The following SKAP1 variants were observed in gnomAD, a reference collection of about 807,000 sequenced individuals.
SKAP1 encodes src kinase-associated phosphoprotein 1.
Under a neutral mutation model 58.5 loss-of-function variants are expected in SKAP1, and 44 were observed. The observed-to-expected ratio is 0.75, with a 90% CI of 0.59 to 0.97. SKAP1 has a LOEUF of 0.97. SKAP1 is among the 50% of genes least tolerant of loss of function. The pLI is 0.00. For missense variants in SKAP1, 390 were observed against 435.2 expected (o/e 0.90, Z 0.92); for synonymous variants, 127 against 149.7 (o/e 0.85, Z 1.11).
At chr17:48,324,816 A>T (rs1016601290) in intron 4 of SKAP1, among the ~76,000 whole-genome samples, 1 of 152,060 alleles carries the variant, frequency 6.6e-6, no homozygotes, top group Non-Finnish European at 1.5e-5. Flanking sequence ...CATTTTGCCC[A>T]ATTTCGACTA....
At chr17:48,175,342 C>T (rs1356703014) in intron 9 of SKAP1, among the ~76,000 whole-genome samples, 1 of 152,216 alleles carries the variant, frequency 6.6e-6, no homozygotes, top group East Asian at 1.9e-4. Context: ...ACAGATGCAA[C>T]AGAAATACAG....
At chr17:48,144,589 G>C (rs1276111679) in intron 11 of SKAP1, among the ~76,000 whole-genome samples, 2 of 152,178 alleles carry the variant, frequency 1.3e-5, no homozygotes, top group East Asian at 3.8e-4. Context: ...TCATACAGAT[G>C]TTCGTTAATT....
intron 3 of SKAP1, among the ~76,000 whole-genome samples, chr17:48,359,842 G>C (rs927286573): frequency 6.6e-6 from 1 of 152,026 alleles, no homozygotes; most frequent in Non-Finnish European, 1.5e-5. Context: ...CTGGGCTCAA[G>C]CAATCTACCT....
intron 4 of SKAP1, among the ~76,000 whole-genome samples, chr17:48,209,024 C>T (rs747763674): frequency 6.6e-6 from 1 of 152,136 alleles, no homozygotes; most frequent in Non-Finnish European, 1.5e-5. Context: ...ACCACTACCT[C>T]TATAATATGA....
intron 10 of SKAP1, among the ~76,000 whole-genome samples, chr17:48,166,963 C>G (rs1209856124): frequency 6.6e-6 from 1 of 152,044 alleles, no homozygotes; most frequent in Non-Finnish European, 1.5e-5. Flanking sequence ...CTCCTGGGCT[C>G]AAGCTATCTT....
chr17:48,354,546 C>T (rs1038495778), intron 3 of SKAP1, among the ~76,000 whole-genome samples: 2 of 152,018 alleles, frequency 1.3e-5, no homozygotes, highest in Non-Finnish European at 2.9e-5. Flanking sequence ...TGACAAGGAC[C>T]GATAGGGTTC....
chr17:48,196,384 A>T (rs2064630008), intron 4 of SKAP1, among the ~76,000 whole-genome samples: 1 of 152,194 alleles, frequency 6.6e-6, no homozygotes. Context: ...TAAAATGAGC[A>T]GGTTTTATTT....
intron 2 of SKAP1, among the ~76,000 whole-genome samples, chr17:48,373,860 T>C (rs1233210222): frequency 1.3e-5 from 2 of 152,208 alleles, no homozygotes; most frequent in Admixed American, 6.5e-5. Context: ...TCTGTGATGT[T>C]ATAACTCTAG....
At chr17:48,256,534 A>G (rs1047034316) in intron 4 of SKAP1, among the ~76,000 whole-genome samples, 2 of 152,098 alleles carry the variant, frequency 1.3e-5, no homozygotes, top group African/African-American at 4.8e-5. Context: ...ACAATGAAGG[A>G]GACTAGACTC....
chr17:48,434,774 A>G (rs2067932234), upstream of SKAP1, among the ~76,000 whole-genome samples: 1 of 152,208 alleles, frequency 6.6e-6, no homozygotes, highest in South Asian at 2.1e-4. Flanking sequence ...GAACTGAAAA[A>G]TACCTAAGAT....
At chr17:48,140,616 G>T (rs979622509) in intron 11 of SKAP1, among the ~76,000 whole-genome samples, 1 of 152,086 alleles carries the variant, frequency 6.6e-6, no homozygotes, top group Non-Finnish European at 1.5e-5. Flanking sequence ...AATTTAACAT[G>T]TAATCCTGCC....
chr17:48,189,849 T>G (rs2064514224), intron 4 of SKAP1, among the ~76,000 whole-genome samples: 1 of 151,906 alleles, frequency 6.6e-6, no homozygotes, highest in Non-Finnish European at 1.5e-5. Flanking sequence ...TAATGTTTTT[T>G]GTATTTTTAG....
chr17:48,324,702 A>G (rs2066410172), intron 4 of SKAP1, among the ~76,000 whole-genome samples: 1 of 152,116 alleles, frequency 6.6e-6, no homozygotes, highest in Admixed American at 6.6e-5. Context: ...AACATCTACA[A>G]TGAACATTAT....
chr17:48,170,769 G>A (rs2064199519), intron 9 of SKAP1, 110 bp from the exon 10 acceptor site: 4 of 948,938 alleles, frequency 4.2e-6, no homozygotes, highest in Non-Finnish European at 6.5e-6. Flanking sequence ...AAGTGCAGTG[G>A]AACGATTTTC....
At chr17:48,271,312 A>C (rs1267166656) in intron 4 of SKAP1, among the ~76,000 whole-genome samples, 1 of 149,604 alleles carries the variant, frequency 6.7e-6, no homozygotes, top group Non-Finnish European at 1.5e-5. Context: ...AAATAGCAAT[A>C]TTCATTCAAT....
At chr17:48,339,836 A>G (rs2066623950) in intron 4 of SKAP1, among the ~76,000 whole-genome samples, 1 of 152,184 alleles carries the variant, frequency 6.6e-6, no homozygotes, top group African/African-American at 2.4e-5. Context: ...CTGACTCACA[A>G]TAATGGGGAT....
chr17:48,389,269 T>C (rs2067315913), intron 2 of SKAP1, among the ~76,000 whole-genome samples: 1 of 152,214 alleles, frequency 6.6e-6, no homozygotes, highest in East Asian at 1.9e-4. Flanking sequence ...GCCACAGGGA[T>C]AGCACCTCTT....
chr17:48,299,003 T>C (rs1206240911), intron 4 of SKAP1, among the ~76,000 whole-genome samples: 1 of 152,184 alleles, frequency 6.6e-6, no homozygotes, highest in Non-Finnish European at 1.5e-5. Flanking sequence ...GTATGGAGAA[T>C]ATCAGGGACA....
At chr17:48,405,588 C>A (rs1279307074) in intron 1 of SKAP1, among the ~76,000 whole-genome samples, 1 of 150,914 alleles carries the variant, frequency 6.6e-6, no homozygotes, top group Non-Finnish European at 1.5e-5. Context: ...CTGCAACCTC[C>A]GCCTCCTGGG....
Sources: gnomAD v4.1 joint callset for allele counts (sites outside exome capture counted in the v4.1 genomes callset) on GRCh38, gnomAD v4.1.1 for gene constraint, MANE v1.5 for transcripts, NCBI Gene and HGNC (gene_info 2026-07-23, HGNC 2026-07-21) for gene names.